The following PRDM6 variants were observed in gnomAD, a reference collection of about 807,000 sequenced individuals.
PRDM6 encodes the protein putative histone-lysine N-methyltransferase PRDM6.
A neutral mutation model predicts 60.8 loss-of-function variants in PRDM6; 25 were observed. The observed-to-expected ratio is 0.41, with a 90% CI of 0.30 to 0.57. The LOEUF (loss-of-function observed/expected upper bound fraction) is 0.57, where lower values mean the gene tolerates loss of function less well. PRDM6 is among the 20% of genes least tolerant of loss of function. The probability of loss-of-function intolerance (pLI) is 0.27; values close to 1 mark genes in which losing one functional copy is unlikely to be tolerated. For missense variants in PRDM6, 839 were observed against 821.3 expected (o/e 1.02, Z -0.26); for synonymous variants, 407 against 357.4 (o/e 1.14, Z -1.57).
intron 3 of PRDM6, among the ~76,000 whole-genome samples, chr5:123,109,185 G>A (rs1303934837): frequency 1.3e-5 from 1 of 78,052 alleles, no homozygotes; most frequent in Non-Finnish European, 2.8e-5. Context: ...TTTTATACAT[G>A]AAAGTGTTAA....
At chr5:123,182,909 G>A (rs1182463365) in intron 7 of PRDM6, among the ~76,000 whole-genome samples, 2 of 152,070 alleles carry the variant, frequency 1.3e-5, no homozygotes, top group Non-Finnish European at 2.9e-5. Context: ...CATCTTCTAG[G>A]AAATGGAAAG....
chr5:123,122,541 T>C (rs1466807821), intron 3 of PRDM6, among the ~76,000 whole-genome samples: 3 of 152,224 alleles, frequency 2.0e-5, no homozygotes, highest in African/African-American at 4.8e-5. Context: ...TTTCTCGTTA[T>C]AGGTGTTTTT....
intron 2 of PRDM6, among the ~76,000 whole-genome samples, 184 bp downstream of exon 2, chr5:123,090,790 A>T (rs924100562): frequency 6.6e-6 from 1 of 152,122 alleles, no homozygotes; most frequent in Non-Finnish European, 1.5e-5. Context: ...CTGGCGTTGG[A>T]GAAGGAAAGA....
At chr5:123,171,300 G>C (rs1328298771) in intron 6 of PRDM6, among the ~76,000 whole-genome samples, 192 bp downstream of exon 6, 2 of 152,200 alleles carry the variant, frequency 1.3e-5, no homozygotes, top group African/African-American at 4.8e-5. Flanking sequence ...CAGGTTGGTG[G>C]CTGCAGAGAG....
intron 3 of PRDM6, among the ~76,000 whole-genome samples, chr5:123,122,185 A>AAG (rs1554086802): frequency 6.6e-6 from 1 of 151,262 alleles, no homozygotes; most frequent in Non-Finnish European, 1.5e-5. Flanking sequence ...AAAAAAAAAA[A>AAG]AGAATTCCTG....
Position 123,153,200 on chromosome 5 carries a change from C to CA in PRDM6, c.901-2667dup, listed in dbSNP as rs3036136. ...AACAATGCATGCAAAAACTGAACTA[C>CA]AAAAAAAAAAAAAAAAAGGGCTAGG... On this transcript the variant is annotated intron_variant, in intron 3 of 7. Coordinates refer to ENST00000407847, the MANE Select transcript of PRDM6 (RefSeq NM_001136239.4). 4.4e-3 allele frequency among the ~76,000 whole-genome samples: 533 copies of CA among 122,452 alleles called. 2 individuals are homozygous for CA. The highest frequency in any genetic ancestry group is 8.7e-3 in the Middle Eastern group (2 of 230). 80.3% of individuals were successfully genotyped at this position (122,452 alleles called of 152,430 possible).
At chr5:123,160,579 C>T (rs536145456) in intron 5 of PRDM6, among the ~76,000 whole-genome samples, 40 of 143,762 alleles carry the variant, frequency 2.8e-4, no homozygotes, top group African/African-American at 1.1e-3. Flanking sequence ...CTTTCTAACA[C>T]ATGCACTCAC....
At chr5:123,173,242 A>G (rs941238662) in intron 6 of PRDM6, among the ~76,000 whole-genome samples, 2 of 152,234 alleles carry the variant, frequency 1.3e-5, no homozygotes, top group Admixed American at 1.3e-4. Flanking sequence ...CCTGTAAAAT[A>G]ATAATGTCAT....
chr5:123,149,169 T>C (rs1460184912), intron 3 of PRDM6, among the ~76,000 whole-genome samples: 1 of 152,204 alleles, frequency 6.6e-6, no homozygotes, highest in Non-Finnish European at 1.5e-5. Context: ...CAAGCCTTGA[T>C]TTAGCTTTAT....
At chr5:123,113,007 G>A (rs1764350928) in intron 3 of PRDM6, among the ~76,000 whole-genome samples, 1 of 151,918 alleles carries the variant, frequency 6.6e-6, no homozygotes, top group Non-Finnish European at 1.5e-5. Flanking sequence ...AGTGTTGCCA[G>A]GTTTTAAAAT....
intron 3 of PRDM6, among the ~76,000 whole-genome samples, chr5:123,131,967 T>C (rs1220746565): frequency 6.6e-6 from 1 of 152,170 alleles, no homozygotes; most frequent in African/African-American, 2.4e-5. Context: ...AAAATGGAAA[T>C]AGTAATAGTA....
chr5:123,105,337 C>G (rs911587281), intron 3 of PRDM6, among the ~76,000 whole-genome samples: 1 of 152,092 alleles, frequency 6.6e-6, no homozygotes, highest in African/African-American at 2.4e-5. Flanking sequence ...ACCTGCCCTC[C>G]CCAGTCACTG....
chr5:123,101,822 T>A (rs1367908311), intron 3 of PRDM6, among the ~76,000 whole-genome samples: 1 of 152,260 alleles, frequency 6.6e-6, no homozygotes, highest in African/African-American at 2.4e-5. Context: ...CACTGAAAAC[T>A]ATGAAACCTT....
At position 123,193,789 on chromosome 5, in the gene PRDM6, A is replaced by G. The variant is rs895871178; in HGVS notation, c.*6588A>G. ...TTTAGATGCTATTAGGACATTGTAT[A>G]CATTTCTTTAATGTGGTTATTTTAA... On this transcript the variant is annotated 3_prime_UTR_variant, in exon 8 of 8. Coordinates refer to ENST00000407847, the MANE Select transcript of PRDM6 (RefSeq NM_001136239.4). The G allele has an allele frequency of 1.3e-5, 2 of 152,206 alleles. No homozygotes were observed. Among genetic ancestry groups the G allele is most frequent in the Admixed American group, 6.5e-5 (1 of 15,272 alleles). The allele number at this position is 152,206 out of a possible 1,614,324, so 9.4% of individuals were successfully genotyped here.
rs550605963 is a variant in PRDM6 at position 123,141,377 on chromosome 5, T to C, written c.901-14507T>C. Among the ~76,000 whole-genome samples, 29 of 152,224 alleles carry C rather than the reference T, an allele frequency of 1.9e-4. No homozygotes were observed. The South Asian group carries it at 5.8e-3, about 30-fold the overall frequency. ...TAATTCATTATATAATTAAAGCAATTGTATAGGAATTTTTCAGAATTTTTT... is the reference window on the plus strand; with the variant it reads ...TAATTCATTATATAATTAAAGCAATCGTATAGGAATTTTTCAGAATTTTTT... On this transcript the variant is annotated intron_variant, in intron 3 of 7. Coordinates refer to ENST00000407847, the MANE Select transcript of PRDM6 (RefSeq NM_001136239.4).
rs1766429088 is a variant in PRDM6, at chr5:123,191,401, T to C, written c.*4200T>C. The C allele has an allele frequency of 6.6e-6, 1 of 152,134 alleles. No homozygotes were observed. Among genetic ancestry groups the C allele is most frequent in the Non-Finnish European group, 1.5e-5 (1 of 68,024 alleles). The allele number at this position is 152,134 out of a possible 1,614,324, so 9.4% of individuals were successfully genotyped here. On this transcript the variant is annotated 3_prime_UTR_variant, in exon 8 of 8. Transcript: ENST00000407847. ...CAGCAGCCTGCGTTTAGGAGCAAAT[T>C]CATTGCTCTCATATTAAGGCTATGC...
At chr5:123,091,929 G>C (rs886400078) in intron 2 of PRDM6, among the ~76,000 whole-genome samples, 1 of 142,336 alleles carries the variant, frequency 7.0e-6, no homozygotes, top group Non-Finnish European at 1.6e-5. Flanking sequence ...TCCCTAAGTC[G>C]TTGATTTGAT....
chr5:123,121,732 C>A (rs746753986), intron 3 of PRDM6, among the ~76,000 whole-genome samples: 143 of 152,050 alleles, frequency 9.4e-4, no homozygotes, highest in Non-Finnish European at 1.3e-3. Context: ...TCTCTTCCTT[C>A]CCCCCCAAAT....
At chr5:123,119,827 TCAAA>T in intron 3 of PRDM6, among the ~76,000 whole-genome samples, 1 of 152,294 alleles carries the variant, frequency 6.6e-6, no homozygotes. Flanking sequence ...AGAAAGGAAT[TCAAA>T]CAGTCAAGCT....
Sources: gnomAD v4.1 joint callset for allele counts (sites outside exome capture counted in the v4.1 genomes callset) on GRCh38, gnomAD v4.1.1 for gene constraint, MANE v1.5 for transcripts, NCBI Gene and HGNC (gene_info 2026-07-23, HGNC 2026-07-21) for gene names.